Variants in PPP2R2B observed in about 807,000 individuals in gnomAD.
PPP2R2B encodes the protein serine/threonine-protein phosphatase 2A 55 kDa regulatory subunit B beta isoform.
A neutral mutation model predicts 46.0 loss-of-function variants in PPP2R2B; 5 were observed. The observed-to-expected ratio is 0.11, with a 90% CI of 0.06 to 0.23. PPP2R2B has a LOEUF of 0.23. Ranked by LOEUF, PPP2R2B falls within the 10% of genes least tolerant of loss-of-function variation. The probability of loss-of-function intolerance (pLI) is 1.00; values close to 1 mark genes in which losing one functional copy is unlikely to be tolerated. For missense variants in PPP2R2B, 367 were observed against 575.0 expected, an observed-to-expected ratio of 0.64 and a Z score of 3.70; for synonymous variants, 215 against 206.7, an observed-to-expected ratio of 1.04 and a Z score of -0.34.
intron 1 of PPP2R2B, among the ~76,000 whole-genome samples, chr5:146,910,092 T>C (rs1000005508): frequency 1.3e-5 from 2 of 152,262 alleles, no homozygotes; most frequent in Non-Finnish European, 2.9e-5. Flanking sequence ...GGATGGATTC[T>C]ACAACTTATC....
At chr5:146,991,425 G>A (rs540884855) in intron 1 of PPP2R2B, among the ~76,000 whole-genome samples, 28 of 152,216 alleles carry the variant, frequency 1.8e-4, no homozygotes, top group South Asian at 4.1e-4. Flanking sequence ...CTAGGGATGG[G>A]AGGCGGGAGA....
At chr5:146,672,667 C>T (rs1250194647) in intron 5 of PPP2R2B, among the ~76,000 whole-genome samples, 1 of 152,158 alleles carries the variant, frequency 6.6e-6, no homozygotes, top group Non-Finnish European at 1.5e-5. Flanking sequence ...TTTGGTTCAG[C>T]ATGCAAACAA....
At chr5:147,003,100 T>G (rs1754260908) in intron 1 of PPP2R2B, among the ~76,000 whole-genome samples, 1 of 152,090 alleles carries the variant, frequency 6.6e-6, no homozygotes, top group African/African-American at 2.4e-5. Context: ...GGAAGGCAAA[T>G]GGAGTGAAAT....
intron 2 of PPP2R2B, among the ~76,000 whole-genome samples, chr5:146,754,839 T>C (rs1753749139): frequency 1.3e-5 from 2 of 152,140 alleles, no homozygotes; most frequent in Non-Finnish European, 2.9e-5. Context: ...TGAGCCATGA[T>C]GGAAGCACTT....
chr5:146,667,201 A>G (rs1438739666), intron 5 of PPP2R2B, among the ~76,000 whole-genome samples: 2 of 152,130 alleles, frequency 1.3e-5, no homozygotes, highest in Non-Finnish European at 2.9e-5. Context: ...CTCTTCCTCA[A>G]TGGCTGAGCT....
chr5:146,766,576 C>G (rs1159746714), intron 2 of PPP2R2B, among the ~76,000 whole-genome samples: 2 of 152,184 alleles, frequency 1.3e-5, no homozygotes, highest in African/African-American at 4.8e-5. Flanking sequence ...AGTACTTTCC[C>G]TGAGTAATTT....
chr5:146,851,315 C>T (rs1163106232), intron 2 of PPP2R2B, among the ~76,000 whole-genome samples: 1 of 152,050 alleles, frequency 6.6e-6, no homozygotes, highest in Non-Finnish European at 1.5e-5. Flanking sequence ...TACTAGATTC[C>T]AGGCACTGTG....
intron 2 of PPP2R2B, among the ~76,000 whole-genome samples, chr5:146,851,028 G>T (rs1274591514): frequency 2.6e-5 from 4 of 152,032 alleles, no homozygotes; most frequent in Admixed American, 2.6e-4. Context: ...TGCCAGGTTT[G>T]GTAGTTTCCA....
At chr5:146,736,878 T>C (rs978406407) in intron 2 of PPP2R2B, among the ~76,000 whole-genome samples, 1 of 152,188 alleles carries the variant, frequency 6.6e-6, no homozygotes, top group African/African-American at 2.4e-5. Flanking sequence ...AACATACATT[T>C]ACTCTCTAAC....
intron 1 of PPP2R2B, among the ~76,000 whole-genome samples, chr5:147,051,713 T>A (rs186191742): frequency 6.6e-6 from 1 of 151,134 alleles, no homozygotes; most frequent in East Asian, 1.9e-4. Context: ...CAGGCAAGGT[T>A]CCTTATACTT....
chr5:146,659,701 A>T (rs1010334690), intron 5 of PPP2R2B, among the ~76,000 whole-genome samples: 1 of 152,156 alleles, frequency 6.6e-6, no homozygotes, highest in Admixed American at 6.5e-5. Context: ...TTGTCATTTT[A>T]TGGATGTAAC....
chr5:146,745,446 C>T (rs1753130564), intron 2 of PPP2R2B, among the ~76,000 whole-genome samples: 1 of 152,146 alleles, frequency 6.6e-6, no homozygotes, highest in South Asian at 2.1e-4. Context: ...ATAAATATAT[C>T]AGCATTTTGT....
intron 2 of PPP2R2B, among the ~76,000 whole-genome samples, chr5:146,781,813 C>T (rs185985369): frequency 2.3e-4 from 35 of 152,192 alleles, no homozygotes; most frequent in East Asian, 1.7e-3. Context: ...GGAAGAAAGA[C>T]GCTAGGAATG....
intron 1 of PPP2R2B, among the ~76,000 whole-genome samples, chr5:146,901,681 G>A (rs1468216668): frequency 6.6e-6 from 1 of 152,078 alleles, no homozygotes; most frequent in Non-Finnish European, 1.5e-5. Flanking sequence ...GGAAGATAAT[G>A]AAGAGAATTT....
intron 5 of PPP2R2B, among the ~76,000 whole-genome samples, chr5:146,677,517 ATCCCTCCC>A (rs138577271): frequency 0.19 from 24,198 of 124,912 alleles, 3,680 homozygotes; most frequent in African/African-American, 0.44. Flanking sequence ...TAAAAAACTC[ATCCCTCCC>A]TCCCTCCCTC....
intron 1 of PPP2R2B, among the ~76,000 whole-genome samples, chr5:147,035,493 T>C (rs1286525222): frequency 6.6e-6 from 1 of 152,136 alleles, no homozygotes; most frequent in East Asian, 1.9e-4. Context: ...CTGAATTCCT[T>C]TGTCTTCTGT....
At chr5:146,919,315 T>C (rs367556730) in intron 1 of PPP2R2B, 1 of 152,166 alleles carries the variant, frequency 6.6e-6, no homozygotes, top group Non-Finnish European at 1.5e-5. Flanking sequence ...GTGATCTTTT[T>C]CCCAACTAAT....
intron 5 of PPP2R2B, among the ~76,000 whole-genome samples, chr5:146,682,607 C>T (rs550826310): frequency 2.6e-5 from 4 of 152,172 alleles, no homozygotes; most frequent in Non-Finnish European, 5.9e-5. Flanking sequence ...GTACCCACTC[C>T]ACAGGCTGCC....
At chr5:147,010,837 C>T (rs1373141582) in intron 1 of PPP2R2B, among the ~76,000 whole-genome samples, 1 of 152,090 alleles carries the variant, frequency 6.6e-6, no homozygotes, top group Non-Finnish European at 1.5e-5. Flanking sequence ...CACATCTGGC[C>T]ACTCCCAACC....
Sources: allele counts gnomAD v4.1 joint callset (sites outside exome capture counted in the v4.1 genomes callset), GRCh38; gene constraint gnomAD v4.1.1; transcripts MANE v1.5; gene names NCBI Gene and HGNC (gene_info 2026-07-23, HGNC 2026-07-21).